The following CDKAL1 variants were observed in gnomAD, a reference collection of about 807,000 sequenced individuals.
CDKAL1 encodes threonylcarbamoyladenosine tRNA methylthiotransferase.
A neutral mutation model predicts 68.2 loss-of-function variants in CDKAL1; 32 were observed. The observed-to-expected ratio is 0.47, with a 90% CI of 0.35 to 0.63. CDKAL1 has a LOEUF of 0.63. Ranked by LOEUF, CDKAL1 falls within the 30% of genes least tolerant of loss-of-function variation. The probability of loss-of-function intolerance (pLI) is 0.00; values close to 1 mark genes in which losing one functional copy is unlikely to be tolerated. For missense variants in CDKAL1, 606 were observed against 696.7 expected, an observed-to-expected ratio of 0.87 and a Z score of 1.47; for synonymous variants, 234 against 244.3, an observed-to-expected ratio of 0.96 and a Z score of 0.39.
intron 6 of CDKAL1, among the ~76,000 whole-genome samples, chr6:20,747,468 T>G (rs1263434213): frequency 2.0e-5 from 3 of 152,230 alleles, no homozygotes; most frequent in Non-Finnish European, 2.9e-5. Flanking sequence ...AACGGTTCTC[T>G]CTTCTCTACT....
chr6:20,722,368 C>T (rs748745667), intron 5 of CDKAL1: 17 of 217,822 alleles, frequency 7.8e-5, no homozygotes, highest in Non-Finnish European at 1.2e-4. Flanking sequence ...CTTTTCTCCT[C>T]CCGGTTCAAA....
At chr6:20,901,491 G>A (rs1289357341) in intron 9 of CDKAL1, among the ~76,000 whole-genome samples, 2 of 151,216 alleles carry the variant, frequency 1.3e-5, no homozygotes, top group Non-Finnish European at 2.9e-5. Flanking sequence ...TGGCTAACAT[G>A]GTGAAACCCT....
intron 9 of CDKAL1, among the ~76,000 whole-genome samples, chr6:20,878,837 G>T (rs1316723653): frequency 6.6e-6 from 1 of 151,868 alleles, no homozygotes; most frequent in African/African-American, 2.4e-5. Context: ...CCAGCACTTT[G>T]CGAGGCCAAC....
chr6:21,168,267 C>A (rs1218429437), intron 13 of CDKAL1, among the ~76,000 whole-genome samples: 1 of 152,162 alleles, frequency 6.6e-6, no homozygotes, highest in Non-Finnish European at 1.5e-5. Flanking sequence ...AGAACCAGAT[C>A]CAAAGCAGAT....
At chr6:21,211,202 G>A (rs941964295) in intron 15 of CDKAL1, among the ~76,000 whole-genome samples, 5 of 152,346 alleles carry the variant, frequency 3.3e-5, no homozygotes, top group Non-Finnish European at 7.3e-5. Context: ...TTTTCTCACT[G>A]TGAAAGGAAC....
intron 13 of CDKAL1, among the ~76,000 whole-genome samples, chr6:21,115,231 G>A (rs541378779): frequency 5.9e-5 from 9 of 152,314 alleles, no homozygotes; most frequent in South Asian, 2.1e-4. Flanking sequence ...TATGTTTGAA[G>A]AATAATGGCC....
At chr6:21,091,447 A>G (rs1772999148) in intron 12 of CDKAL1, among the ~76,000 whole-genome samples, 1 of 152,230 alleles carries the variant, frequency 6.6e-6, no homozygotes, top group Non-Finnish European at 1.5e-5. Context: ...GAAGTAGGAA[A>G]TGAGGGCACT....
At chr6:20,696,940 C>T (rs932245906) in intron 5 of CDKAL1, among the ~76,000 whole-genome samples, 4 of 151,966 alleles carry the variant, frequency 2.6e-5, no homozygotes, top group African/African-American at 9.7e-5. Flanking sequence ...CATTGGCTCA[C>T]GAAGATTAAA....
intron 13 of CDKAL1, among the ~76,000 whole-genome samples, chr6:21,139,288 T>C (rs911815486): frequency 3.9e-5 from 6 of 152,206 alleles, no homozygotes; most frequent in African/African-American, 1.4e-4. Context: ...TGTTCCCTTC[T>C]GGCAGAAACC....
chr6:20,672,657 GTTTTTC>G (rs1769902796), intron 5 of CDKAL1, among the ~76,000 whole-genome samples: 1 of 151,708 alleles, frequency 6.6e-6, no homozygotes, highest in East Asian at 1.9e-4. Flanking sequence ...GTCTGGCCTA[GTTTTTC>G]TTTTTAAAGT....
chr6:20,758,376 C>T (rs959958910), intron 6 of CDKAL1, among the ~76,000 whole-genome samples: 1 of 152,136 alleles, frequency 6.6e-6, no homozygotes, highest in Non-Finnish European at 1.5e-5. Flanking sequence ...AATATGATAT[C>T]TTCAGTTATC....
intron 13 of CDKAL1, among the ~76,000 whole-genome samples, chr6:21,133,958 T>G (rs115560798): frequency 1.1e-4 from 17 of 152,336 alleles, no homozygotes; most frequent in Non-Finnish European, 2.4e-4. Flanking sequence ...ATATGTATCT[T>G]TAATTGCCTC....
chr6:20,901,701 A>AAAAGAG (rs1201315356), intron 9 of CDKAL1, among the ~76,000 whole-genome samples: 1 of 149,470 alleles, frequency 6.7e-6, no homozygotes, highest in Non-Finnish European at 1.5e-5. Flanking sequence ...AAAAAAAAAA[A>AAAAGAG]AAGAAAAGAA....
intron 4 of CDKAL1, among the ~76,000 whole-genome samples, chr6:20,640,561 G>A (rs1431716469): frequency 1.3e-5 from 2 of 152,142 alleles, no homozygotes; most frequent in Non-Finnish European, 2.9e-5. Flanking sequence ...GACATGACAT[G>A]TTCAAGATCT....
chr6:20,941,270 A>C (rs1763961777), intron 9 of CDKAL1, among the ~76,000 whole-genome samples: 1 of 152,124 alleles, frequency 6.6e-6, no homozygotes, highest in African/African-American at 2.4e-5. Context: ...AATGCTACTA[A>C]AGCTGGCTTT....
chr6:20,792,691 G>C, intron 8 of CDKAL1, among the ~76,000 whole-genome samples: 1 of 152,124 alleles, frequency 6.6e-6, no homozygotes, highest in East Asian at 1.9e-4. Flanking sequence ...AAGATTGGTG[G>C]TCTGTTTTAT....
At chr6:20,671,509 T>C (rs77954399) in intron 5 of CDKAL1, among the ~76,000 whole-genome samples, 3,069 of 152,286 alleles carry the variant, frequency 0.02, 115 homozygotes, top group African/African-American at 0.068. Flanking sequence ...TTTTGAGTCA[T>C]GGCTAAGTTA....
intron 4 of CDKAL1, among the ~76,000 whole-genome samples, chr6:20,618,492 C>T (rs952214462): frequency 6.6e-6 from 1 of 152,096 alleles, no homozygotes; most frequent in Non-Finnish European, 1.5e-5. Flanking sequence ...CTTGCCCATG[C>T]CTATGTCCTG....
intron 13 of CDKAL1, among the ~76,000 whole-genome samples, chr6:21,176,822 G>A (rs951647107): frequency 5.9e-5 from 9 of 151,468 alleles, no homozygotes; most frequent in Non-Finnish European, 1.3e-4. Context: ...AGCCTCCTGA[G>A]TAGCTGGGAT....
Sources: allele counts gnomAD v4.1 joint callset (sites outside exome capture counted in the v4.1 genomes callset), GRCh38; gene constraint gnomAD v4.1.1; transcripts MANE v1.5; gene names NCBI Gene and HGNC (gene_info 2026-07-23, HGNC 2026-07-21).